Variants in MALRD1 observed in about 807,000 individuals in gnomAD.
MALRD1 encodes the protein MAM and LDL receptor class A domain containing 1, also known as MAM and LDL-receptor class A domain-containing protein 1.
Under a neutral mutation model 242.1 loss-of-function variants are expected in MALRD1, and 247 were observed. The ratio of observed to expected loss-of-function variants is 1.02; its 90% CI spans 0.92 to 1.13. The LOEUF is 1.13. Ranked by LOEUF, MALRD1 falls within the 50% of genes most tolerant of loss-of-function variation. The pLI is 0.00. For synonymous variants in MALRD1, 995 were observed against 866.6 expected, an observed-to-expected ratio of 1.15 and a Z score of -2.60; for missense variants, 2,989 against 2,533.1, an observed-to-expected ratio of 1.18 and a Z score of -3.86.
chr10:19,525,539 G>T (rs1474007021), intron 31 of MALRD1, among the ~76,000 whole-genome samples: 1 of 152,062 alleles, frequency 6.6e-6, no homozygotes, highest in Non-Finnish European at 1.5e-5. Flanking sequence ...TCAAAAATGT[G>T]TGCAACTCTT....
At chr10:19,368,982 A>G (rs1427214046) in intron 26 of MALRD1, among the ~76,000 whole-genome samples, 1 of 148,708 alleles carries the variant, frequency 6.7e-6, no homozygotes, top group East Asian at 1.9e-4. Flanking sequence ...TGATACTTGC[A>G]TCAAGTATAT....
chr10:19,373,153 A>AT (rs71387068), intron 26 of MALRD1, among the ~76,000 whole-genome samples: 109,068 of 140,404 alleles, frequency 0.78, 42,892 homozygotes, highest in African/African-American at 0.89. Context: ...AGTTGCTCTC[A>AT]TTTTTTTTTC....
At chr10:19,533,468 G>C (rs1834519357) in intron 32 of MALRD1, among the ~76,000 whole-genome samples, 1 of 152,048 alleles carries the variant, frequency 6.6e-6, no homozygotes, top group Non-Finnish European at 1.5e-5. Flanking sequence ...TTCTTGTGTT[G>C]CTGTAAAGAA....
chr10:19,166,179 G>A (rs781231559), intron 13 of MALRD1, among the ~76,000 whole-genome samples: 2 of 152,202 alleles, frequency 1.3e-5, no homozygotes, highest in Non-Finnish European at 2.9e-5. Context: ...AAGTGAAGAC[G>A]TTGGATTATA....
rs1457892343 is a variant in MALRD1, at chr10:19,585,654, T to G, written c.5681-9540T>G. On this transcript the variant is annotated intron_variant, in intron 33 of 39. Coordinates refer to ENST00000454679, the MANE Select transcript of MALRD1 (RefSeq NM_001142308.3). ...CCCGACCTTTCTTTCTGGCTGCCCT[T>G]AACATTTTTTCCTTCATTTCAACTT... Among the ~76,000 whole-genome samples the G allele has an allele frequency of 4.6e-5, 7 of 152,286 alleles. No individual in the cohort carries two copies. The South Asian group carries it at 6.2e-4, about 14-fold the overall frequency.
chr10:19,700,062 G>T (rs980154740), intron 38 of MALRD1, among the ~76,000 whole-genome samples: 1 of 128,454 alleles, frequency 7.8e-6, no homozygotes, highest in Non-Finnish European at 1.6e-5. Context: ...ACACACACAC[G>T]AAATCATTAC....
rs1833110304 is a variant in MALRD1 at position 19,692,328 on chromosome 10, C to T, written c.6184C>T (p.Pro2062Ser). Residue 2062 changes from proline to serine, a missense_variant, in exon 37 of 40, where the codon CCT becomes TCT. By Grantham distance (74) the Pro-to-Ser change is moderately conservative. Transcript: ENST00000454679. ...AAATCGATGCCATATCAAGTTTAAT[C>T]CTCCTGCTACAGACTTCACATACGC... ...KGNRCHIKFN[P>S]PATDFTYAQN... 1 of 1,535,386 alleles carries T rather than the reference C, an allele frequency of 6.5e-7. No homozygotes were observed. Among genetic ancestry groups the T allele is most frequent in the Non-Finnish European group, 8.7e-7 (1 of 1,146,482 alleles).
At chr10:19,312,774 AATTTAGATGAC>A (rs1231627865) in intron 21 of MALRD1, among the ~76,000 whole-genome samples, 6 of 151,376 alleles carry the variant, frequency 4.0e-5, no homozygotes, top group Admixed American at 6.6e-5. Context: ...CATTAGATGA[AATTTAGATGAC>A]ATTTAGATGA....
chr10:19,718,263 C>A (rs1193315218), intron 38 of MALRD1, among the ~76,000 whole-genome samples: 1 of 151,148 alleles, frequency 6.6e-6, no homozygotes, highest in African/African-American at 2.4e-5. Flanking sequence ...GAGGCTGAGG[C>A]TGGATAATTT....
intron 32 of MALRD1, among the ~76,000 whole-genome samples, chr10:19,536,144 T>C (rs1054476018): frequency 2.0e-5 from 3 of 152,084 alleles, no homozygotes; most frequent in African/African-American, 7.2e-5. Context: ...TGCTTTACTT[T>C]CTACCTTCCT....
chr10:19,425,455 T>A (rs1210520590), intron 28 of MALRD1, among the ~76,000 whole-genome samples: 3 of 152,194 alleles, frequency 2.0e-5, no homozygotes, highest in South Asian at 4.1e-4. Context: ...TGTGTGTGTG[T>A]ATGTATACAT....
chr10:19,193,844 AT>A (rs1836108399), intron 14 of MALRD1, among the ~76,000 whole-genome samples: 1 of 132,438 alleles, frequency 7.6e-6, no homozygotes, highest in African/African-American at 3.0e-5. Context: ...GAAAAAAAAT[AT>A]ATATATATAT....
intron 26 of MALRD1, among the ~76,000 whole-genome samples, chr10:19,372,591 C>A (rs1374715408): frequency 6.6e-6 from 1 of 151,950 alleles, no homozygotes; most frequent in Non-Finnish European, 1.5e-5. Context: ...CCTTAGCCTC[C>A]CGAGTAGCTG....
chr10:19,154,727 A>T (rs1023392846), intron 11 of MALRD1, among the ~76,000 whole-genome samples: 2 of 152,180 alleles, frequency 1.3e-5, no homozygotes, highest in African/African-American at 4.8e-5. Flanking sequence ...TAAAAAGTAA[A>T]GCTCTTGTGG....
At chr10:19,392,421 C>G (rs1043975906) in intron 28 of MALRD1, among the ~76,000 whole-genome samples, 2 of 152,246 alleles carry the variant, frequency 1.3e-5, no homozygotes, top group African/African-American at 4.8e-5. Context: ...GATCTATACA[C>G]ATTGCATAGA....
intron 25 of MALRD1, among the ~76,000 whole-genome samples, chr10:19,350,375 A>G (rs762165613): frequency 7.3e-5 from 11 of 150,932 alleles, no homozygotes; most frequent in Non-Finnish European, 1.6e-4. Context: ...GGTTCAAGCA[A>G]TTCTCCTGCC....
At chr10:19,383,894 A>G (rs1279965280) in intron 26 of MALRD1, among the ~76,000 whole-genome samples, 1 of 151,922 alleles carries the variant, frequency 6.6e-6, no homozygotes, top group Non-Finnish European at 1.5e-5. Flanking sequence ...CAAGGAATTA[A>G]AGTGCGGTGA....
In MALRD1 at chr10:19,271,750, G is replaced by A. The variant is rs113092108; in HGVS notation, c.3080-8297G>A. Among the ~76,000 whole-genome samples, 1,257 of 152,196 alleles carry A rather than the reference G, an allele frequency of 8.3e-3. 18 individuals carry two copies. The highest frequency in any genetic ancestry group is 0.029 in the African/African-American group (1,188 of 41,516). ...TGCACTCCATCCTGGGCAACAGAGC[G>A]AGATTCTGTCTCAAAAAAATATAAA... On this transcript the variant is annotated intron_variant, in intron 19 of 39. Coordinates refer to ENST00000454679, the MANE Select transcript of MALRD1 (RefSeq NM_001142308.3).
intron 35 of MALRD1, among the ~76,000 whole-genome samples, chr10:19,610,173 A>G: frequency 6.6e-6 from 1 of 151,968 alleles, no homozygotes; most frequent in East Asian, 1.9e-4. Context: ...TAATCAAATC[A>G]GGGTAGTTAG....
Sources: allele counts gnomAD v4.1 joint callset (sites outside exome capture counted in the v4.1 genomes callset), GRCh38; gene constraint gnomAD v4.1.1; transcripts MANE v1.5; gene names NCBI Gene and HGNC (gene_info 2026-07-23, HGNC 2026-07-21).